The following KAZN variants were observed in gnomAD, a reference collection of about 807,000 sequenced individuals.
The protein encoded by KAZN is kazrin, periplakin interacting protein.
A neutral mutation model predicts 87.4 loss-of-function variants in KAZN; 40 were observed. The ratio of observed to expected loss-of-function variants is 0.46; its 90% CI spans 0.36 to 0.60. KAZN has a LOEUF of 0.60. KAZN is among the 20% of genes least tolerant of loss of function. The probability of loss-of-function intolerance (pLI) is 0.00; values close to 1 mark genes in which losing one functional copy is unlikely to be tolerated. For synonymous variants in KAZN, 466 were observed against 458.3 expected, an observed-to-expected ratio of 1.02 and a Z score of -0.22; for missense variants, 898 against 1,073.9, an observed-to-expected ratio of 0.84 and a Z score of 2.29.
rs1007334844 is a variant in KAZN, at chr1:14,394,238, A to G, written c.250-204745A>G. On this transcript the variant is annotated intron_variant, in intron 2 of 16. Transcript: ENST00000636203. ...TGCAAAAGCTCCTAGGGCCATTAAG[A>G]TGGCATGTGATCTTATGTCAAGGGG... Among the ~76,000 whole-genome samples the G allele has an allele frequency of 8.5e-5, 13 of 152,370 alleles. 2 individuals carry two copies. In the South Asian group the frequency reaches 1.2e-3, roughly 15 times the overall value.
At chr1:14,076,367 G>A (rs942680502) in intron 1 of KAZN, among the ~76,000 whole-genome samples, 8 of 152,278 alleles carry the variant, frequency 5.3e-5, no homozygotes, top group Admixed American at 4.6e-4. Context: ...GTATCCACAA[G>A]CCAAGGAGTG....
At chr1:14,670,195 A>G (rs547586912) in intron 1 of KAZN, among the ~76,000 whole-genome samples, 1 of 149,008 alleles carries the variant, frequency 6.7e-6, no homozygotes, top group East Asian at 2.0e-4. Context: ...TCTTTAGTAT[A>G]CTATAAGTTT....
At chr1:14,041,678 G>T (rs1352381652) in intron 1 of KAZN, among the ~76,000 whole-genome samples, 2 of 152,058 alleles carry the variant, frequency 1.3e-5, no homozygotes, top group East Asian at 3.9e-4. Flanking sequence ...TTTCTCCTGT[G>T]CTAGATTCCC....
chr1:15,034,799 A>G lies in KAZN; in HGVS notation c.469A>G (p.Ser157Gly), dbSNP rs1308034156. 6.2e-7 allele frequency: 1 copy of G among 1,614,080 alleles called. No individual in the cohort carries two copies. The highest frequency in any genetic ancestry group is 1.1e-5 in the South Asian group (1 of 91,082). ...AAAGGGCGAGAAGACAGACCTGGTGAGCCAGATGCAGCAGCTGTATGCCAC... is the reference window on the plus strand; with the variant it reads ...AAAGGGCGAGAAGACAGACCTGGTGGGCCAGATGCAGCAGCTGTATGCCAC... ...RLKGEKTDLV[S>G]QMQQLYATLE... Residue 157 changes from serine (S) to glycine (G), a missense_variant, in exon 3 of 15, where the codon AGC becomes GGC. Around this residue, in one of 3 missense-constraint regions of KAZN, gnomAD observed 250 missense variants for 263.0 expected, o/e 0.95. Coordinates refer to ENST00000376030, the MANE Select transcript of KAZN (RefSeq NM_201628.3).
intron 2 of KAZN, among the ~76,000 whole-genome samples, chr1:14,233,166 CTG>C (rs945166832): frequency 2.6e-5 from 4 of 152,016 alleles, no homozygotes; most frequent in African/African-American, 7.3e-5. Flanking sequence ...AGGTCCCACT[CTG>C]TCACTCAGGC....
intron 1 of KAZN, among the ~76,000 whole-genome samples, chr1:13,965,626 A>G (rs1409610085): frequency 4.6e-5 from 7 of 152,132 alleles, no homozygotes; most frequent in Non-Finnish European, 7.3e-5. Flanking sequence ...CAGGGAATAC[A>G]TCTGCAGCCC....
At position 15,099,489 on chromosome 1, in the gene KAZN, A is replaced by G. The variant is rs1640951887; in HGVS notation, c.1548-2054A>G. ...AGAGAAAAGGGAGATTTGACGCCCAAGGGATGAGGAGGGGTGAGCCCTGGG... is the reference window on the plus strand; with the variant it reads ...AGAGAAAAGGGAGATTTGACGCCCAGGGGATGAGGAGGGGTGAGCCCTGGG... On this transcript the variant is annotated intron_variant, in intron 10 of 14. Coordinates refer to ENST00000376030, the MANE Select transcript of KAZN (RefSeq NM_201628.3). The surrounding 1 kb of genome is among the most constrained non-coding windows in gnomAD (Gnocchi z 5.4). 6.6e-6 allele frequency among the ~76,000 whole-genome samples: 1 copy of G among 152,060 alleles called. No individual in the cohort carries two copies. Among genetic ancestry groups the G allele is most frequent in the African/African-American group, 2.4e-5 (1 of 41,432 alleles).
intron 2 of KAZN, among the ~76,000 whole-genome samples, chr1:14,239,713 G>A (rs1648769637): frequency 6.6e-6 from 1 of 151,942 alleles, no homozygotes; most frequent in South Asian, 2.1e-4. Flanking sequence ...ATGTGTCTCA[G>A]CCTCCCAAAG....
intron 2 of KAZN, among the ~76,000 whole-genome samples, chr1:14,468,403 C>T (rs909908428): frequency 6.6e-6 from 1 of 152,142 alleles, no homozygotes; most frequent in African/African-American, 2.4e-5. Flanking sequence ...ACCCCAGGAA[C>T]TACATGGGGC....
At chr1:14,605,775 C>T (rs1028866314) in intron 1 of KAZN, among the ~76,000 whole-genome samples, 3 of 152,038 alleles carry the variant, frequency 2.0e-5, no homozygotes, top group African/African-American at 7.2e-5. Flanking sequence ...CAATTCAAAC[C>T]TATGTTCTTC....
chr1:14,319,970 A>C (rs1461130618), intron 2 of KAZN, among the ~76,000 whole-genome samples: 1 of 148,442 alleles, frequency 6.7e-6, no homozygotes, highest in Non-Finnish European at 1.5e-5. Context: ...TGGTGAGAAT[A>C]GTTTGTTGTT....
chr1:14,929,655 G>A (rs770309422), intron 1 of KAZN: 6 of 532,438 alleles, frequency 1.1e-5, no homozygotes, highest in African/African-American at 2.1e-5. Context: ...TGGGGATCCC[G>A]TGTTTGCTGT....
intron 2 of KAZN, among the ~76,000 whole-genome samples, chr1:14,199,639 G>A (rs1646599601): frequency 6.6e-6 from 1 of 152,196 alleles, no homozygotes; most frequent in Non-Finnish European, 1.5e-5. Context: ...TGGGGATGAA[G>A]TAAGAAAAAT....
At chr1:14,037,205 C>G (rs1641598351) in intron 1 of KAZN, among the ~76,000 whole-genome samples, 1 of 152,204 alleles carries the variant, frequency 6.6e-6, no homozygotes, top group South Asian at 2.1e-4. Flanking sequence ...TACAGTTCTA[C>G]AATACTAGTT....
At chr1:14,719,295 A>C (rs748581050) in intron 1 of KAZN, among the ~76,000 whole-genome samples, 5 of 152,260 alleles carry the variant, frequency 3.3e-5, no homozygotes, top group Admixed American at 1.3e-4. Context: ...AGTGCATAGC[A>C]TGTGTCAGGC....
rs149809094 is a variant in KAZN, at chr1:14,079,100, G to A, written c.92-101335G>A. Reference sequence around the variant, plus strand: ...AGGTTCATTTGGCTCACGATTCTGCGGGCTGTACAAGCATGGCACCAGTAT... The same window carrying A: ...AGGTTCATTTGGCTCACGATTCTGCAGGCTGTACAAGCATGGCACCAGTAT... On this transcript the variant is annotated intron_variant, in intron 1 of 16. Coordinates refer to the KAZN transcript ENST00000636203. Among the ~76,000 whole-genome samples, 413 of 152,286 alleles carry A rather than the reference G, an allele frequency of 2.7e-3. 3 individuals are homozygous for A. Among genetic ancestry groups the A allele is most frequent in the East Asian group, 0.018 (93 of 5,178 alleles).
intron 1 of KAZN, among the ~76,000 whole-genome samples, chr1:14,087,894 A>G (rs1643890641): frequency 6.6e-6 from 1 of 151,270 alleles, no homozygotes; most frequent in Non-Finnish European, 1.5e-5. Context: ...TTTGAGAAGT[A>G]TTGGTTTGTA....
chr1:14,827,189 T>C (rs146630303), intron 1 of KAZN, among the ~76,000 whole-genome samples: 1,855 of 152,300 alleles, frequency 0.012, 37 homozygotes, highest in African/African-American at 0.042. Context: ...CCAGTAGTGA[T>C]TGACTTGAAA....
intron 1 of KAZN, among the ~76,000 whole-genome samples, chr1:14,901,534 G>T (rs578019902): frequency 2.6e-5 from 4 of 152,174 alleles, no homozygotes; most frequent in Non-Finnish European, 5.9e-5. Context: ...TGGGCAGGGA[G>T]TCAGATGGGG....
Sources: allele counts gnomAD v4.1 joint callset (sites outside exome capture counted in the v4.1 genomes callset), GRCh38; gene constraint gnomAD v4.1.1; regional missense constraint gnomAD v4.1.1; non-coding constraint Gnocchi (gnomAD v3.1); transcripts MANE v1.5; gene names NCBI Gene and HGNC (gene_info 2026-07-23, HGNC 2026-07-21).